The following SMARCC1 variants were observed in gnomAD, a reference collection of about 807,000 sequenced individuals.
The protein encoded by SMARCC1 is SWI/SNF complex subunit SMARCC1.
Under a neutral mutation model 147.4 loss-of-function variants are expected in SMARCC1, and 43 were observed. That is an observed-to-expected ratio of 0.29 (90% CI 0.23 to 0.38). The LOEUF (loss-of-function observed/expected upper bound fraction) is 0.38, where lower values mean the gene tolerates loss of function less well. SMARCC1 is among the 10% of genes least tolerant of loss of function. The pLI is 1.00. For synonymous variants in SMARCC1, 495 were observed against 484.4 expected, an observed-to-expected ratio of 1.02 and a Z score of -0.29; for missense variants, 1,119 against 1,381.1, an observed-to-expected ratio of 0.81 and a Z score of 3.01.
At chr3:47,778,697 TAAGA>T (rs1271947705) in intron 1 of SMARCC1, among the ~76,000 whole-genome samples, 1 of 152,092 alleles carries the variant, frequency 6.6e-6, no homozygotes, top group East Asian at 1.9e-4. Flanking sequence ...ATATTTCAAG[TAAGA>T]GTCAGTGTGG....
At chr3:47,714,330 T>C in intron 8 of SMARCC1, 85 bp downstream of exon 8, 1 of 800,898 alleles carries the variant, frequency 1.2e-6, no homozygotes, top group Non-Finnish European at 2.2e-6. Flanking sequence ...ACCACTCCAC[T>C]CTAGCCTGGG....
At chr3:47,699,491 T>C (rs144521099) in intron 11 of SMARCC1, among the ~76,000 whole-genome samples, 141 of 152,260 alleles carry the variant, frequency 9.3e-4, no homozygotes, top group African/African-American at 3.3e-3. Context: ...TGAGTCTAGC[T>C]TCTCCTAGTA....
At chr3:47,644,938 A>G (rs746828482) in intron 21 of SMARCC1, among the ~76,000 whole-genome samples, 1 of 152,160 alleles carries the variant, frequency 6.6e-6, no homozygotes, top group African/African-American at 2.4e-5. Flanking sequence ...GTATTCCATG[A>G]AACGGCAAGG....
chr3:47,643,530 G>GA (rs1006846960), intron 21 of SMARCC1, among the ~76,000 whole-genome samples: 3 of 141,726 alleles, frequency 2.1e-5, no homozygotes, highest in East Asian at 4.1e-4. Flanking sequence ...GAACAAAAAA[G>GA]AAAAAAAAAA....
intron 21 of SMARCC1, among the ~76,000 whole-genome samples, chr3:47,644,230 C>T (rs1400011101): frequency 6.6e-6 from 1 of 152,036 alleles, no homozygotes; most frequent in African/African-American, 2.4e-5. Flanking sequence ...CTGTAATGCC[C>T]AGTACTTTCG....
At chr3:47,747,008 G>A (rs1011709941) in intron 2 of SMARCC1, among the ~76,000 whole-genome samples, 1 of 151,918 alleles carries the variant, frequency 6.6e-6, no homozygotes, top group Non-Finnish European at 1.5e-5. Flanking sequence ...GTGATTACAG[G>A]CATGAGCCAT....
At chr3:47,595,564 T>C (rs1412364813) in intron 26 of SMARCC1, among the ~76,000 whole-genome samples, 1 of 116,230 alleles carries the variant, frequency 8.6e-6, no homozygotes, top group East Asian at 2.5e-4. Flanking sequence ...TAAAATAAAA[T>C]AAACACACAG....
intron 11 of SMARCC1, among the ~76,000 whole-genome samples, chr3:47,699,689 G>A (rs754952637): frequency 1.3e-5 from 2 of 151,744 alleles, no homozygotes; most frequent in Admixed American, 6.6e-5. Flanking sequence ...TATACACCCA[G>A]TGCCCATCTT....
rs151299312 is a variant in SMARCC1 at position 47,676,500 on chromosome 3, A to C, written c.1725+129T>G. ...ATTTACAGTACACCAAAATACACAC[A>C]CAAGCAAGGATCAAAGAAATAGCAC... is the stretch of plus-strand genomic sequence containing the variant. On this transcript the variant is annotated intron_variant, in intron 17 of 27. Coordinates refer to ENST00000254480, the MANE Select transcript of SMARCC1 (RefSeq NM_003074.4). The C allele has an allele frequency of 4.3e-6, 3 of 701,338 alleles. No individual in the cohort carries two copies. In the African/African-American group the frequency reaches 5.4e-5, roughly 13 times the overall value. The allele number at this position is 701,338 out of a possible 1,614,324, so 43.4% of individuals were successfully genotyped here.
intron 24 of SMARCC1, 101 bp from the exon 25 acceptor site, chr3:47,622,442 A>G (rs2032747431): frequency 2.0e-5 from 22 of 1,094,038 alleles, no homozygotes; most frequent in South Asian, 2.0e-4. Flanking sequence ...ATAATTTACA[A>G]TGGTACCCTA....
intron 2 of SMARCC1, among the ~76,000 whole-genome samples, chr3:47,765,600 A>G (rs2034829734): frequency 6.6e-6 from 1 of 152,190 alleles, no homozygotes; most frequent in Admixed American, 6.6e-5. Flanking sequence ...CTTCAAATAT[A>G]TATACAACAC....
chr3:47,703,860 G>A (rs529182554), intron 10 of SMARCC1, among the ~76,000 whole-genome samples: 7 of 152,208 alleles, frequency 4.6e-5, no homozygotes, highest in African/African-American at 1.4e-4. Context: ...GCAGTGGCGC[G>A]ATCTCAGCTC....
chr3:47,672,188 ATATACAGCTCAGGTCCCC>A (rs2033510126), intron 18 of SMARCC1, among the ~76,000 whole-genome samples: 1 of 152,172 alleles, frequency 6.6e-6, no homozygotes, highest in Non-Finnish European at 1.5e-5. Flanking sequence ...ATAACGCAGA[ATATACAGCTCAGGTCCCC>A]AAGGATTACT....
chr3:47,631,259 C>T (rs535906505), intron 24 of SMARCC1, among the ~76,000 whole-genome samples: 2 of 152,248 alleles, frequency 1.3e-5, no homozygotes, highest in South Asian at 4.1e-4. Flanking sequence ...AGCTAATACC[C>T]AATTACCATG....
intron 8 of SMARCC1, among the ~76,000 whole-genome samples, chr3:47,714,050 A>C (rs1328653527): frequency 6.6e-6 from 1 of 152,212 alleles, no homozygotes; most frequent in Non-Finnish European, 1.5e-5. Context: ...AACAGCTGAG[A>C]AGAGCTATTA....
chr3:47,633,366 A>G (rs1275237504), intron 24 of SMARCC1, among the ~76,000 whole-genome samples: 3 of 152,124 alleles, frequency 2.0e-5, no homozygotes, highest in Non-Finnish European at 4.4e-5. Context: ...TGGAACCAGG[A>G]GTCAAAAATG....
At chr3:47,686,211 CAGAG>C in intron 13 of SMARCC1, 41 bp from the exon 14 acceptor site, 18 of 1,542,158 alleles carry the variant, frequency 1.2e-5, no homozygotes, top group Non-Finnish European at 1.6e-5. Flanking sequence ...GAAAGAACTA[CAGAG>C]AGAGATATAT....
At chr3:47,682,494 C>T (rs887586057) in intron 14 of SMARCC1, among the ~76,000 whole-genome samples, 7 of 151,960 alleles carry the variant, frequency 4.6e-5, no homozygotes, top group African/African-American at 1.7e-4. Context: ...TGGGCTCAAG[C>T]GACCCACCAG....
chr3:47,695,171 G>T (rs1161179266), intron 11 of SMARCC1, among the ~76,000 whole-genome samples: 1 of 152,102 alleles, frequency 6.6e-6, no homozygotes, highest in African/African-American at 2.4e-5. Context: ...TCAAGAACAG[G>T]ATTAATGCCC....
Sources: gnomAD v4.1 joint callset for allele counts (sites outside exome capture counted in the v4.1 genomes callset) on GRCh38, gnomAD v4.1.1 for gene constraint, MANE v1.5 for transcripts, NCBI Gene and HGNC (gene_info 2026-07-23, HGNC 2026-07-21) for gene names.